DNAJC17: variants seen among roughly 807,000 people sequenced by gnomAD.
DNAJC17 encodes dnaJ homolog subfamily C member 17.
Under a neutral mutation model 48.1 loss-of-function variants are expected in DNAJC17, and 35 were observed. The ratio of observed to expected loss-of-function variants is 0.73; its 90% CI spans 0.56 to 0.96. The LOEUF (loss-of-function observed/expected upper bound fraction) is 0.96, where lower values mean the gene tolerates loss of function less well. Ranked by LOEUF, DNAJC17 falls within the 50% of genes least tolerant of loss-of-function variation. The pLI, the probability that DNAJC17 is intolerant of heterozygous loss-of-function variation, is 0.00. For synonymous variants in DNAJC17, 117 were observed against 142.7 expected, an observed-to-expected ratio of 0.82 and a Z score of 1.28; for missense variants, 355 against 377.1, an observed-to-expected ratio of 0.94 and a Z score of 0.48.
rs1277193408 is a variant in DNAJC17, at chr15:40,775,039, A to G, written c.592T>C (p.Leu198=). 1 of 1,614,214 alleles carries G rather than the reference A, an allele frequency of 6.2e-7. No homozygotes were observed. Among genetic ancestry groups the G allele is most frequent in the East Asian group, 2.2e-5 (1 of 44,886 alleles). ...GYSKDVLLRL[L]QKYGEVLNLV... ...ACGTCAACAGGGCCGACCTTCTGCA[A>G]AAGCCGTAGGAGGACGTCTTTGGAG... The change falls in exon 8 of 11, where the codon TTG becomes CTG. Residue 198 remains leucine (L), a synonymous_variant. Transcript: ENST00000220496.
chr15:40,790,035 G>T (rs1259747359), intron 1 of DNAJC17, among the ~76,000 whole-genome samples: 1 of 151,704 alleles, frequency 6.6e-6, no homozygotes, highest in Non-Finnish European at 1.5e-5. Context: ...CATTTTGAAT[G>T]CCACTAACTT....
At position 40,773,859 on chromosome 15, in the gene DNAJC17, C is replaced by T. The variant is rs745488263; in HGVS notation, c.682-22G>A. 6.9e-6 allele frequency: 11 copies of T among 1,601,646 alleles called. No individual in the cohort carries two copies. In the South Asian group the frequency reaches 1.2e-4, roughly 18 times the overall value. On this transcript the variant is annotated intron_variant, in intron 9 of 10. Coordinates refer to ENST00000220496, the MANE Select transcript of DNAJC17 (RefSeq NM_018163.3). ...GCTCCTGCCAAACACAGCATCTAGT[C>T]CTGTCCCATCCGTTGAGTCAGCTAT...
chr15:40,777,262 T>A (rs1035101821), intron 4 of DNAJC17, among the ~76,000 whole-genome samples: 4 of 149,624 alleles, frequency 2.7e-5, no homozygotes, highest in African/African-American at 7.4e-5. Context: ...TTACTTAGAC[T>A]CTCCTTTTCT....
chr15:40,774,744 G>A (rs1401318659), intron 8 of DNAJC17, among the ~76,000 whole-genome samples: 4 of 152,210 alleles, frequency 2.6e-5, no homozygotes, highest in South Asian at 2.1e-4. Context: ...TGCCAGATAC[G>A]CACCTCGTCC....
At chr15:40,776,141 C>T in intron 6 of DNAJC17, 55 bp downstream of exon 6, 1 of 1,573,570 alleles carries the variant, frequency 6.4e-7, no homozygotes, top group South Asian at 1.1e-5. Context: ...TGTGGCCGCT[C>T]TGAGCAATCT....
At position 40,775,044 on chromosome 15, in the gene DNAJC17, C is replaced by A. The variant is rs148284868; in HGVS notation, c.587G>T (p.Arg196Leu). 4 of 1,614,104 alleles carry A rather than the reference C, an allele frequency of 2.5e-6. No individual in the cohort carries two copies. Among genetic ancestry groups the A allele is most frequent in the Non-Finnish European group, 3.4e-6 (4 of 1,180,012 alleles). The change falls in exon 8 of 11, where the codon CGG becomes CTG. Residue 196 changes from arginine to leucine, a missense_variant. Arg to Leu is a moderately radical substitution (Grantham distance 102, BLOSUM62 -2). This residue lies in a region of DNAJC17 where 68 missense variants were observed against 109.5 expected (regional missense o/e 0.62). Transcript: ENST00000220496. ...KGGYSKDVLL[R>L]LLQKYGEVLN... ...AACAGGGCCGACCTTCTGCAAAAGC[C>A]GTAGGAGGACGTCTTTGGAGTAGCC...
chr15:40,783,849 T>C (rs1258680648), intron 1 of DNAJC17, among the ~76,000 whole-genome samples: 3 of 151,250 alleles, frequency 2.0e-5, no homozygotes, highest in African/African-American at 7.3e-5. Flanking sequence ...GGTGACAGAG[T>C]AAGGCTCTGT....
chr15:40,784,001 C>A (rs993090186), intron 1 of DNAJC17, among the ~76,000 whole-genome samples: 1 of 149,028 alleles, frequency 6.7e-6, no homozygotes, highest in Admixed American at 6.7e-5. Context: ...CTGAGGCGGG[C>A]GAATCAGTTG....
chr15:40,803,426 G>T (rs1353905608), intron 1 of DNAJC17, among the ~76,000 whole-genome samples: 2 of 152,244 alleles, frequency 1.3e-5, no homozygotes, highest in Non-Finnish European at 2.9e-5. Flanking sequence ...AAGCTAGCCA[G>T]TGTATCCAAA....
At chr15:40,778,019 T>C (rs1889378680) in intron 4 of DNAJC17, among the ~76,000 whole-genome samples, 1 of 151,966 alleles carries the variant, frequency 6.6e-6, no homozygotes, top group Non-Finnish European at 1.5e-5. Flanking sequence ...GGGTAGGAAT[T>C]GGGGTTAGAA....
chr15:40,802,246 C>T (rs1890095412), intron 1 of DNAJC17, among the ~76,000 whole-genome samples: 1 of 151,248 alleles, frequency 6.6e-6, no homozygotes, highest in South Asian at 2.1e-4. Context: ...TCTCAGCTCA[C>T]TGCAACCTCC....
intron 1 of DNAJC17, among the ~76,000 whole-genome samples, chr15:40,781,272 G>C (rs1331815103): frequency 1.3e-5 from 2 of 152,022 alleles, no homozygotes; most frequent in Non-Finnish European, 2.9e-5. Flanking sequence ...GGCTGAGGTG[G>C]GCAGATCACT....
At chr15:40,801,474 T>C (rs1002770565) in intron 1 of DNAJC17, among the ~76,000 whole-genome samples, 2 of 152,140 alleles carry the variant, frequency 1.3e-5, no homozygotes, top group South Asian at 2.1e-4. Context: ...TGTTGAGTAT[T>C]GGCTGGGTGC....
rs535037796 is a variant in DNAJC17 at position 40,775,634 on chromosome 15, G to A, written c.479-38C>T. 4 of 1,598,202 alleles carry A rather than the reference G, an allele frequency of 2.5e-6. No individual in the cohort carries two copies. In the South Asian group the frequency reaches 4.4e-5, roughly 18 times the overall value. ...GGAAAAGAAGAAAAGTAGAATATGAGGGAGTCAGAGATTCTCCCAAAGGAA... is the reference window on the plus strand; with the variant it reads ...GGAAAAGAAGAAAAGTAGAATATGAAGGAGTCAGAGATTCTCCCAAAGGAA... On this transcript the variant is annotated intron_variant, in intron 6 of 10. Transcript: ENST00000220496.
chr15:40,779,769 C>T, intron 2 of DNAJC17, 159 bp downstream of exon 2: 1 of 1,085,646 alleles, frequency 9.2e-7, no homozygotes, highest in Non-Finnish European at 1.3e-6. Flanking sequence ...CAGCAACTGA[C>T]CAGACACCCC....
intron 6 of DNAJC17, 29 bp downstream of exon 6, chr15:40,776,167 G>A (rs775061086): frequency 6.2e-7 from 1 of 1,606,744 alleles, no homozygotes; most frequent in Admixed American, 1.7e-5. Context: ...TACCTTGGAG[G>A]GGAGATAGGC....
In DNAJC17 at chr15:40,770,955, G is replaced by A. The variant is rs757333431; in HGVS notation, c.792+2772C>T. On this transcript the variant is annotated intron_variant, in intron 10 of 10. Coordinates refer to ENST00000220496, the MANE Select transcript of DNAJC17 (RefSeq NM_018163.3). The surrounding 1 kb of genome is among the most constrained non-coding windows in gnomAD (Gnocchi z 5.0). ...CTTCCTCTCCTTCAAAGTGGACCTG[G>A]GGATTTCACTTCTTGAGGAAGTTCT... 2.2e-5 allele frequency: 34 copies of A among 1,551,300 alleles called. No homozygotes were observed. Among genetic ancestry groups the A allele is most frequent in the Non-Finnish European group, 2.6e-6 (3 of 1,147,008 alleles).
At chr15:40,771,876 C>A (rs1324771019) in intron 10 of DNAJC17, 1 of 167,106 alleles carries the variant, frequency 6.0e-6, no homozygotes, top group Admixed American at 6.5e-5. Flanking sequence ...AAAGACCAGG[C>A]AAATCCTTAG....
chr15:40,778,925 C>A (rs1050823599), intron 4 of DNAJC17, among the ~76,000 whole-genome samples: 5 of 152,092 alleles, frequency 3.3e-5, no homozygotes, highest in Admixed American at 3.3e-4. Flanking sequence ...CAGGGTGAGA[C>A]CCTGTCTCAA....
Sources: allele counts gnomAD v4.1 joint callset (sites outside exome capture counted in the v4.1 genomes callset), GRCh38; gene constraint gnomAD v4.1.1; regional missense constraint gnomAD v4.1.1; non-coding constraint Gnocchi (gnomAD v3.1); transcripts MANE v1.5; gene names NCBI Gene and HGNC (gene_info 2026-07-23, HGNC 2026-07-21).